The following EFCAB6 variants were observed in gnomAD, a reference collection of about 807,000 sequenced individuals.
EFCAB6 encodes EF-hand calcium-binding domain-containing protein 6.
A neutral mutation model predicts 169.8 loss-of-function variants in EFCAB6; 156 were observed. That is an observed-to-expected ratio of 0.92 (90% CI 0.81 to 1.05). The LOEUF is 1.05. EFCAB6 is among the 50% of genes least tolerant of loss of function. The pLI is 0.00. For synonymous variants in EFCAB6, 698 were observed against 676.4 expected, an observed-to-expected ratio of 1.03 and a Z score of -0.50; for missense variants, 1,800 against 1,829.1, an observed-to-expected ratio of 0.98 and a Z score of 0.29.
chr22:43,667,855 C>T (rs562112615), intron 16 of EFCAB6, among the ~76,000 whole-genome samples: 12 of 152,188 alleles, frequency 7.9e-5, no homozygotes, highest in Non-Finnish European at 1.6e-4. Context: ...CGTGGGTGTT[C>T]GGAGGACAGC....
In EFCAB6 at chr22:43,649,177, G is replaced by A. The variant is rs117876297; in HGVS notation, c.1984-13961C>T. On this transcript the variant is annotated intron_variant, in intron 17 of 31. Transcript: ENST00000262726. ...ACTGGGAGTCCTGGGATTCTTGTGA[G>A]AGCAGAGATAAATAATGATGTCCAT... 3.6e-3 allele frequency among the ~76,000 whole-genome samples: 542 copies of A among 152,308 alleles called. 9 individuals carry two copies. The highest frequency in any genetic ancestry group is 0.026 in the Admixed American group (396 of 15,298).
At chr22:43,590,990 T>A (rs1264553633) in intron 23 of EFCAB6, among the ~76,000 whole-genome samples, 1 of 151,764 alleles carries the variant, frequency 6.6e-6, no homozygotes. Flanking sequence ...TGTTTTTTTT[T>A]AACCAGGCAC....
intron 6 of EFCAB6, among the ~76,000 whole-genome samples, chr22:43,739,511 A>G (rs2060290803): frequency 2.0e-5 from 3 of 151,922 alleles, no homozygotes; most frequent in Non-Finnish European, 4.4e-5. Context: ...TGTCCCACTG[A>G]TGACTCCCAC....
At chr22:43,719,994 G>A (rs1359510400) in intron 8 of EFCAB6, among the ~76,000 whole-genome samples, 3 of 152,156 alleles carry the variant, frequency 2.0e-5, no homozygotes, top group Non-Finnish European at 4.4e-5. Flanking sequence ...TTTGCTAAGA[G>A]AATAGATGTT....
intron 2 of EFCAB6, among the ~76,000 whole-genome samples, chr22:43,801,684 T>C (rs778539993): frequency 6.6e-6 from 1 of 152,240 alleles, no homozygotes; most frequent in African/African-American, 2.4e-5. Context: ...TAATTTGTTA[T>C]ATCTATAAGA....
intron 21 of EFCAB6, among the ~76,000 whole-genome samples, chr22:43,610,625 C>T (rs1020516968): frequency 1.3e-5 from 2 of 152,136 alleles, no homozygotes; most frequent in Admixed American, 6.6e-5. Context: ...AAGATATTGG[C>T]AATATTCTTT....
At chr22:43,545,884 C>CA (rs575269233) in intron 27 of EFCAB6, among the ~76,000 whole-genome samples, 37 of 152,254 alleles carry the variant, frequency 2.4e-4, no homozygotes, top group African/African-American at 8.9e-4. Context: ...CCAGGCCCCT[C>CA]AGGATTTCCC....
intron 19 of EFCAB6, among the ~76,000 whole-genome samples, chr22:43,630,627 C>T (rs1472982858): frequency 2.6e-5 from 4 of 152,162 alleles, no homozygotes; most frequent in Non-Finnish European, 5.9e-5. Context: ...TTAGGGTGCC[C>T]GTGGAGGCCC....
At chr22:43,638,397 T>G (rs1452789173) in intron 17 of EFCAB6, among the ~76,000 whole-genome samples, 1 of 152,198 alleles carries the variant, frequency 6.6e-6, no homozygotes, top group Non-Finnish European at 1.5e-5. Context: ...GTCGGGCATG[T>G]GTTGATTTAC....
chr22:43,621,735 T>A (rs1449112146), intron 20 of EFCAB6, among the ~76,000 whole-genome samples: 3 of 150,772 alleles, frequency 2.0e-5, no homozygotes, highest in Admixed American at 6.6e-5. Flanking sequence ...TAGAGAAAAA[T>A]CAATAAAAAC....
intron 26 of EFCAB6, among the ~76,000 whole-genome samples, chr22:43,569,248 C>T (rs1212713422): frequency 1.3e-5 from 2 of 152,242 alleles, no homozygotes; most frequent in African/African-American, 2.4e-5. Context: ...GTTTGAACAA[C>T]AAAAGAATAA....
Position 43,676,001 on chromosome 22 carries a change from G to A in EFCAB6, c.1419+1995C>T, listed in dbSNP as rs144673016. 5.9e-4 allele frequency among the ~76,000 whole-genome samples: 90 copies of A among 152,008 alleles called. No individual in the cohort carries two copies. In the East Asian group the frequency reaches 6.6e-3, roughly 11 times the overall value. On this transcript the variant is annotated intron_variant, in intron 13 of 31. Coordinates refer to ENST00000262726, the MANE Select transcript of EFCAB6 (RefSeq NM_022785.4). ...AACTGCCCCAGTGACAAGGACATGC[G>A]CAGAACACTCTTAGATACCACTGAA...
intron 10 of EFCAB6, among the ~76,000 whole-genome samples, chr22:43,692,414 G>A (rs1398478695): frequency 2.6e-5 from 4 of 152,098 alleles, no homozygotes; most frequent in Admixed American, 2.6e-4. Context: ...AATCAACTGA[G>A]ATAACCCAAA....
At chr22:43,783,147 T>A (rs1364885403) in intron 2 of EFCAB6, among the ~76,000 whole-genome samples, 1 of 152,148 alleles carries the variant, frequency 6.6e-6, no homozygotes, top group East Asian at 1.9e-4. Flanking sequence ...AACTCAGAGT[T>A]CACTCAGTGA....
At chr22:43,723,119 T>C (rs192920535) in intron 8 of EFCAB6, among the ~76,000 whole-genome samples, 70 of 152,348 alleles carry the variant, frequency 4.6e-4, no homozygotes, top group African/African-American at 1.6e-3. Flanking sequence ...AAGTGGAGCC[T>C]GAAGATGTGA....
intron 13 of EFCAB6, among the ~76,000 whole-genome samples, chr22:43,676,574 T>C (rs914684713): frequency 5.3e-5 from 8 of 152,172 alleles, no homozygotes; most frequent in Admixed American, 6.5e-5. Flanking sequence ...TTCACCTTTG[T>C]AGTTTGGCAT....
chr22:43,542,112 T>G (rs1029708438), intron 27 of EFCAB6, among the ~76,000 whole-genome samples: 5 of 152,198 alleles, frequency 3.3e-5, no homozygotes, highest in African/African-American at 1.2e-4. Context: ...TGAGCTGGAC[T>G]CGGAGCTGAG....
chr22:43,672,321 A>G lies in EFCAB6; in HGVS notation c.1420-16T>C. On this transcript the variant is annotated splice_polypyrimidine_tract_variant and intron_variant, in intron 13 of 31. Coordinates refer to ENST00000262726, the MANE Select transcript of EFCAB6 (RefSeq NM_022785.4). ...TCTTTCTCATCTAATTGGGAAAGAG[A>G]AAGTATATAAATAAATACCACTCAT... 13 of 1,613,302 alleles carry G rather than the reference A, an allele frequency of 8.1e-6. No individual in the cohort carries two copies. Among genetic ancestry groups the G allele is most frequent in the South Asian group, 1.1e-5 (1 of 90,974 alleles).
chr22:43,704,657 T>C (rs2058889490), intron 10 of EFCAB6, among the ~76,000 whole-genome samples: 1 of 152,118 alleles, frequency 6.6e-6, no homozygotes, highest in Non-Finnish European at 1.5e-5. Flanking sequence ...ATGTGCTGTA[T>C]GCAATCAAAG....
Sources: gnomAD v4.1 joint callset for allele counts (sites outside exome capture counted in the v4.1 genomes callset) on GRCh38, gnomAD v4.1.1 for gene constraint, MANE v1.5 for transcripts, NCBI Gene and HGNC (gene_info 2026-07-23, HGNC 2026-07-21) for gene names.